Variants in PDE5A observed in about 807,000 individuals in gnomAD.
The protein encoded by PDE5A is phosphodiesterase 5A.
Under a neutral mutation model 110.2 loss-of-function variants are expected in PDE5A, and 67 were observed. The ratio of observed to expected loss-of-function variants is 0.61; its 90% CI spans 0.50 to 0.75. The LOEUF is 0.75. Ranked by LOEUF, PDE5A falls within the 30% of genes least tolerant of loss-of-function variation. PDE5A has a pLI of 0.00. For synonymous variants in PDE5A, 328 were observed against 351.2 expected (o/e 0.93, Z 0.74); for missense variants, 862 against 1,045.1 (o/e 0.82, Z 2.42).
At position 119,495,988 on chromosome 4, in the gene PDE5A, A is replaced by AAAAAGTTTTGC. The variant is rs1725048671; in HGVS notation, c.*2612_*2613insGCAAAACTTTT. On this transcript the variant is annotated 3_prime_UTR_variant, in exon 21 of 21. Transcript: ENST00000354960. ...AAGACAAAGGCTTTGCCCAAACATA[A>AAAAAGTTTTGC]CTCCTTTTAAAAAAGCACAACTTGT... 1 of 151,772 alleles carries AAAAAGTTTTGC rather than the reference A, an allele frequency of 6.6e-6. No individual in the cohort carries two copies. The highest frequency in any genetic ancestry group is 2.4e-5 in the African/African-American group (1 of 41,322). The allele number at this position is 151,772 out of a possible 1,614,324, so 9.4% of individuals were successfully genotyped here.
intron 7 of PDE5A, among the ~76,000 whole-genome samples, chr4:119,558,594 A>G (rs1472349116): frequency 6.6e-6 from 1 of 152,162 alleles, no homozygotes; most frequent in East Asian, 1.9e-4. Flanking sequence ...TCAAAATGTT[A>G]ACATTACTAA....
intron 3 of PDE5A, among the ~76,000 whole-genome samples, chr4:119,589,493 G>A (rs1728886823): frequency 6.6e-6 from 1 of 152,132 alleles, no homozygotes; most frequent in Non-Finnish European, 1.5e-5. Flanking sequence ...AATTCTGTCT[G>A]GTTATAGAAA....
intron 12 of PDE5A, among the ~76,000 whole-genome samples, chr4:119,521,734 A>T (rs2110470568): frequency 6.6e-6 from 1 of 152,172 alleles, no homozygotes; most frequent in East Asian, 1.9e-4. Flanking sequence ...GTCCATATAA[A>T]AAACACTTTA....
At chr4:119,622,046 C>A (rs1051592868) in intron 1 of PDE5A, among the ~76,000 whole-genome samples, 2 of 151,788 alleles carry the variant, frequency 1.3e-5, no homozygotes, top group Admixed American at 1.3e-4. Context: ...TGGTGGTGGG[C>A]GCCTGTAGTC....
chr4:119,599,154 C>A (rs903210094), intron 2 of PDE5A, among the ~76,000 whole-genome samples: 1 of 152,032 alleles, frequency 6.6e-6, no homozygotes, highest in Non-Finnish European at 1.5e-5. Flanking sequence ...AATAATAAGA[C>A]CAAGCCTGAC....
chr4:119,606,679 C>A, intron 2 of PDE5A, 30 bp downstream of exon 2: 1 of 1,545,640 alleles, frequency 6.5e-7, no homozygotes, highest in South Asian at 1.1e-5. Context: ...CTCCCCAGCA[C>A]TGGTCCTGCT....
rs199520838 is a variant in PDE5A at position 119,538,913 on chromosome 4, T to C, written c.1632+47A>G. ...TAAATATTTACCAAATTTGGTTAAA[T>C]TAGGTGTCTGTAATTAGTAATTTTT... On this transcript the variant is annotated intron_variant, in intron 11 of 20. Coordinates refer to ENST00000354960, the MANE Select transcript of PDE5A (RefSeq NM_001083.4). 94 of 1,413,888 alleles carry C rather than the reference T, an allele frequency of 6.6e-5. 2 individuals carry two copies. Among genetic ancestry groups the C allele is most frequent in the Admixed American group, 3.4e-5 (2 of 59,578 alleles). 87.6% of individuals were successfully genotyped at this position (1,413,888 alleles called of 1,614,324 possible). A position where few individuals can be genotyped will look rare whatever the true frequency, so the allele number is the denominator to read the frequency against.
At chr4:119,516,697 A>C (rs1261597442) in intron 14 of PDE5A, among the ~76,000 whole-genome samples, 1 of 152,066 alleles carries the variant, frequency 6.6e-6, no homozygotes, top group African/African-American at 2.4e-5. Flanking sequence ...AGCTCACTGC[A>C]ACCTCTGCCT....
At chr4:119,520,807 T>C (rs1726100048) in intron 13 of PDE5A, 128 bp downstream of exon 13, 2 of 755,212 alleles carry the variant, frequency 2.6e-6, no homozygotes, top group Non-Finnish European at 2.0e-6. Flanking sequence ...ATATAACTTA[T>C]TATGTAAGTG....
At chr4:119,549,468 CAA>C (rs913948096) in intron 9 of PDE5A, 20 of 152,266 alleles carry the variant, frequency 1.3e-4, no homozygotes, top group African/African-American at 3.6e-4. Flanking sequence ...CTCTGTCAAA[CAA>C]TGTGTGGTAC....
At chr4:119,597,004 T>G (rs1729175689) in intron 2 of PDE5A, among the ~76,000 whole-genome samples, 1 of 152,256 alleles carries the variant, frequency 6.6e-6, no homozygotes, top group Non-Finnish European at 1.5e-5. Flanking sequence ...AATAAATGAC[T>G]TTACTTCCCT....
At chr4:119,515,118 T>A (rs1456995927) in intron 14 of PDE5A, among the ~76,000 whole-genome samples, 3 of 152,194 alleles carry the variant, frequency 2.0e-5, no homozygotes, top group Admixed American at 1.3e-4. Context: ...TATTAGTATT[T>A]ACTACTGACA....
intron 1 of PDE5A, 126 bp from the exon 2 acceptor site, chr4:119,607,423 A>G: frequency 1.5e-6 from 1 of 662,282 alleles, no homozygotes; most frequent in Non-Finnish European, 2.5e-6. Context: ...AGAAAATAAA[A>G]ACAAGATGGT....
intron 9 of PDE5A, among the ~76,000 whole-genome samples, chr4:119,545,143 AT>A (rs1727087735): frequency 6.6e-6 from 1 of 152,160 alleles, no homozygotes; most frequent in African/African-American, 2.4e-5. Flanking sequence ...TGATAATCCC[AT>A]TGATCTCTTT....
intron 19 of PDE5A, 125 bp downstream of exon 19, chr4:119,502,456 A>AAGTT: frequency 1.7e-6 from 1 of 580,932 alleles, no homozygotes; most frequent in South Asian, 2.3e-5. Context: ...AATGAGAAAA[A>AAGTT]AGTTTTAAAA....
chr4:119,618,886 T>C (rs1489727033), intron 1 of PDE5A, among the ~76,000 whole-genome samples: 2 of 152,160 alleles, frequency 1.3e-5, no homozygotes, highest in East Asian at 1.9e-4. Flanking sequence ...ATCCTAAAAG[T>C]AGGGTGATAC....
At chr4:119,575,979 G>A (rs1431089144) in intron 3 of PDE5A, among the ~76,000 whole-genome samples, 4 of 152,126 alleles carry the variant, frequency 2.6e-5, no homozygotes, top group African/African-American at 4.8e-5. Context: ...TCAAAATAAA[G>A]GGACGCAGGA....
intron 1 of PDE5A, among the ~76,000 whole-genome samples, chr4:119,626,829 A>AGG (rs1283753239): frequency 1.3e-4 from 20 of 152,306 alleles, no homozygotes; most frequent in Admixed American, 7.2e-4. Flanking sequence ...TGGGTTATTA[A>AGG]ATTGAAAAGA....
Position 119,498,710 on chromosome 4 carries a change from A to T in PDE5A, c.2519T>A (p.Phe840Tyr). The change falls in exon 21 of 21, where the codon TTC (phenylalanine) becomes TAC (tyrosine). Residue 840 changes from phenylalanine (F) to tyrosine (Y), a missense_variant. Physicochemically the swap from Phe to Tyr is conservative, Grantham distance 22. Coordinates refer to ENST00000354960, the MANE Select transcript of PDE5A (RefSeq NM_001083.4). ...EALTHVSEDC[F>Y]PLLDGCRKNR... ...CTTTCTGCAGCCATCTAGCAAAGGG[A>T]AACAGTCCTCTGACACGTGGGTCAG... The T allele has an allele frequency of 1.9e-6, 3 of 1,613,958 alleles. No individual in the cohort carries two copies. The highest frequency in any genetic ancestry group is 2.5e-6 in the Non-Finnish European group (3 of 1,179,896).
Sources: allele counts gnomAD v4.1 joint callset (sites outside exome capture counted in the v4.1 genomes callset), GRCh38; gene constraint gnomAD v4.1.1; transcripts MANE v1.5; gene names NCBI Gene and HGNC (gene_info 2026-07-23, HGNC 2026-07-21).